CNTN1: variants seen among roughly 807,000 people sequenced by gnomAD.
CNTN1 encodes contactin 1, also known as contactin-1.
A neutral mutation model predicts 126.4 loss-of-function variants in CNTN1; 38 were observed. The observed-to-expected ratio is 0.30, with a 90% confidence interval of 0.23 to 0.39. The LOEUF (loss-of-function observed/expected upper bound fraction) is 0.39. Among genes scored for constraint, CNTN1 ranks in the 10% least tolerant of loss-of-function variants. The pLI, the probability that CNTN1 is intolerant of heterozygous loss-of-function variation, is 1.00. For synonymous variants in CNTN1, 413 were observed against 422.6 expected, an observed-to-expected ratio of 0.98 and a Z score of 0.28; for missense variants, 1,009 against 1,248.4, an observed-to-expected ratio of 0.81 and a Z score of 2.89.
At chr12:40,879,725 GGTCC>G (rs1174435759) in intron 1 of CNTN1, among the ~76,000 whole-genome samples, 2 of 152,050 alleles carry the variant, frequency 1.3e-5, no homozygotes, top group Non-Finnish European at 2.9e-5. Flanking sequence ...AGGAAATTAT[GGTCC>G]TCTGTGAGAA....
chr12:40,764,814 C>T (rs1939012444), intron 1 of CNTN1, among the ~76,000 whole-genome samples: 1 of 152,166 alleles, frequency 6.6e-6, no homozygotes, highest in South Asian at 2.1e-4. Context: ...AGAAGATACT[C>T]TCCAGGCATT....
chr12:40,759,774 ATTTTTT>A (rs33992864), intron 1 of CNTN1, among the ~76,000 whole-genome samples: 3 of 133,580 alleles, frequency 2.2e-5, no homozygotes, highest in African/African-American at 8.4e-5. Flanking sequence ...TGGCCCAGAT[ATTTTTT>A]TTTTTTTTTT....
At chr12:40,829,180 A>G (rs977399010) in intron 1 of CNTN1, among the ~76,000 whole-genome samples, 21 of 152,278 alleles carry the variant, frequency 1.4e-4, no homozygotes, top group African/African-American at 4.8e-4. Flanking sequence ...AACAGAATTA[A>G]TAAATATAAA....
chr12:41,017,045 G>A (rs1948797280), intron 19 of CNTN1, 129 bp downstream of exon 19: 2 of 750,334 alleles, frequency 2.7e-6, no homozygotes, highest in Non-Finnish European at 4.7e-6. Flanking sequence ...TTTAGTAAAT[G>A]AGTACTATTT....
intron 1 of CNTN1, among the ~76,000 whole-genome samples, chr12:40,810,126 A>G (rs1596516): frequency 0.56 from 85,317 of 151,980 alleles, 24,363 homozygotes; most frequent in East Asian, 0.77. Flanking sequence ...AAGTCCATAA[A>G]TGAAGCCTGT....
intron 4 of CNTN1, among the ~76,000 whole-genome samples, chr12:40,921,073 G>T (rs1212995830): frequency 6.6e-6 from 1 of 152,140 alleles, no homozygotes; most frequent in African/African-American, 2.4e-5. Flanking sequence ...GCCATCACCT[G>T]GGGGAAGAGG....
At chr12:41,029,319 A>C in intron 23 of CNTN1, 100 bp downstream of exon 23, 1 of 1,319,600 alleles carries the variant, frequency 7.6e-7, no homozygotes, top group Non-Finnish European at 1.1e-6. Context: ...ACCAGTGTCC[A>C]TATTTTCCTA....
intron 19 of CNTN1, among the ~76,000 whole-genome samples, chr12:41,018,399 G>A (rs1302280411): frequency 1.3e-5 from 2 of 151,870 alleles, no homozygotes; most frequent in Admixed American, 1.3e-4. Context: ...AAATTCTCAC[G>A]TATATTCATC....
At position 40,716,414 on chromosome 12, in the gene CNTN1, C is replaced by G. The variant is rs544943101; in HGVS notation, c.-77+23822C>G. 7.4e-4 allele frequency among the ~76,000 whole-genome samples: 112 copies of G among 151,748 alleles called. 1 individual carries two copies. Among genetic ancestry groups the G allele is most frequent in the African/African-American group, 2.6e-3 (109 of 41,242 alleles). On this transcript the variant is annotated intron_variant, in intron 1 of 23. Coordinates refer to ENST00000551295, the MANE Select transcript of CNTN1 (RefSeq NM_001843.4). ...TTTTTCTCCTCCTTCTCCTTCTCCT[C>G]CTTTATTCTTCCACAAATCTAAATA...
intron 16 of CNTN1, among the ~76,000 whole-genome samples, chr12:40,987,935 C>CTT (rs79306393): frequency 7.6e-4 from 106 of 140,126 alleles, no homozygotes; most frequent in Admixed American, 4.0e-3. Context: ...GGACAGTATC[C>CTT]TTTTTTTTTT....
chr12:40,991,548 G>A lies in CNTN1; in HGVS notation c.1964-1572G>A, dbSNP rs147673889. On this transcript the variant is annotated intron_variant, in intron 16 of 23. Coordinates refer to ENST00000551295, the MANE Select transcript of CNTN1 (RefSeq NM_001843.4). ...GTGTCCAGTAAAAAAGGGCTACCTT[G>A]GCCGGGTATGGTGGCTCACGCCTGT... 4.1e-4 allele frequency among the ~76,000 whole-genome samples: 62 copies of A among 152,290 alleles called. No homozygotes were observed. In the East Asian group the frequency reaches 0.012, roughly 29 times the overall value.
chr12:40,720,724 C>T (rs950859917), intron 1 of CNTN1, among the ~76,000 whole-genome samples: 3 of 151,974 alleles, frequency 2.0e-5, no homozygotes, highest in African/African-American at 7.3e-5. Context: ...GTCAGGAGAT[C>T]AAGACCATCC....
At chr12:41,056,992 TA>T (rs1208631487) in intron 23 of CNTN1, among the ~76,000 whole-genome samples, 2 of 95,008 alleles carry the variant, frequency 2.1e-5, no homozygotes, top group Admixed American at 1.1e-4. Flanking sequence ...TATTTATAAA[TA>T]TTATAAATAT....
intron 1 of CNTN1, among the ~76,000 whole-genome samples, chr12:40,700,536 A>T (rs952808908): frequency 9.2e-5 from 14 of 152,142 alleles, no homozygotes; most frequent in South Asian, 6.2e-4. Flanking sequence ...AAAATAAAAA[A>T]AAAAATAAAA....
intron 1 of CNTN1, among the ~76,000 whole-genome samples, chr12:40,817,686 G>A (rs1422930974): frequency 6.6e-6 from 1 of 151,860 alleles, no homozygotes; most frequent in African/African-American, 2.4e-5. Context: ...ATATTGTTAT[G>A]TGCGAGTTTG....
At chr12:40,965,964 TA>T (rs1947290737) in intron 15 of CNTN1, among the ~76,000 whole-genome samples, 1 of 149,630 alleles carries the variant, frequency 6.7e-6, no homozygotes, top group Non-Finnish European at 1.5e-5. Context: ...CACACCAAGT[TA>T]AACAGGCGTG....
At chr12:40,794,663 C>T (rs1940344371) in intron 1 of CNTN1, among the ~76,000 whole-genome samples, 2 of 151,868 alleles carry the variant, frequency 1.3e-5, no homozygotes, top group African/African-American at 4.8e-5. Context: ...TTAAAATGTA[C>T]AGAGGTTTAC....
chr12:40,842,444 G>A (rs1942321385), intron 1 of CNTN1, among the ~76,000 whole-genome samples: 1 of 152,020 alleles, frequency 6.6e-6, no homozygotes, highest in Admixed American at 6.6e-5. Context: ...GAGGTGATGG[G>A]TATCCCAATT....
chr12:40,909,379 T>C (rs1002566261), intron 2 of CNTN1, among the ~76,000 whole-genome samples: 3 of 151,960 alleles, frequency 2.0e-5, no homozygotes, highest in Admixed American at 6.6e-5. Flanking sequence ...AGGTCATTAT[T>C]ATGAAAGTAT....
Sources: allele counts gnomAD v4.1 joint callset (sites outside exome capture counted in the v4.1 genomes callset), GRCh38; gene constraint gnomAD v4.1.1; transcripts MANE v1.5; gene names NCBI Gene and HGNC (gene_info 2026-07-23, HGNC 2026-07-21).